The following USP36 variants were observed in gnomAD, a reference collection of about 807,000 sequenced individuals.
USP36 encodes ubiquitin specific peptidase 36, also known as ubiquitin carboxyl-terminal hydrolase 36.
In USP36, 59 loss-of-function variants were observed where a neutral mutation model predicts 111.5. The observed-to-expected ratio is 0.53, with a 90% CI of 0.43 to 0.66. USP36 has a LOEUF of 0.66. Ranked by LOEUF, USP36 falls within the 30% of genes least tolerant of loss-of-function variation. The pLI is 0.00. For missense variants in USP36, 1,488 were observed against 1,468.0 expected (o/e 1.01, Z -0.22); for synonymous variants, 628 against 581.0 (o/e 1.08, Z -1.16).
At chr17:78,800,936 C>T (rs573487866) in intron 17 of USP36, among the ~76,000 whole-genome samples, 54 of 151,420 alleles carry the variant, frequency 3.6e-4, no homozygotes, top group Admixed American at 2.2e-3. Context: ...GAGGGTGGCA[C>T]GGAGCACAGC....
At chr17:78,820,049 A>G (rs1284869581) in intron 8 of USP36, 37 bp from the exon 9 acceptor site, 1 of 1,603,808 alleles carries the variant, frequency 6.2e-7, no homozygotes, top group Admixed American at 1.7e-5. Flanking sequence ...AATACACAGC[A>G]GAGGAAAAAG....
At chr17:78,805,238 T>C (rs985532485) in intron 15 of USP36, among the ~76,000 whole-genome samples, 8 of 152,208 alleles carry the variant, frequency 5.3e-5, no homozygotes, top group Non-Finnish European at 1.2e-4. Flanking sequence ...AGCTGCACGA[T>C]GTTTGATTAC....
chr17:78,818,560 A>T, intron 10 of USP36, 107 bp downstream of exon 10: 1 of 921,858 alleles, frequency 1.1e-6, no homozygotes, highest in Non-Finnish European at 1.8e-6. Context: ...AGGGACAGGT[A>T]CTGTGTAAAC....
chr17:78,805,617 C>A (rs2093877122), intron 15 of USP36, among the ~76,000 whole-genome samples: 1 of 152,208 alleles, frequency 6.6e-6, no homozygotes, highest in Non-Finnish European at 1.5e-5. Flanking sequence ...CTAAGAGACG[C>A]AGGCAGCCCC....
downstream of USP36, among the ~76,000 whole-genome samples, chr17:78,791,211 C>T (rs531602457): frequency 2.1e-4 from 31 of 150,882 alleles, no homozygotes; most frequent in Non-Finnish European, 4.0e-4. Flanking sequence ...CTCGGCTCAC[C>T]GCAACCTCCA....
chr17:78,814,386 C>A, intron 11 of USP36, 26 bp downstream of exon 11: 1 of 1,612,716 alleles, frequency 6.2e-7, no homozygotes, highest in Non-Finnish European at 8.5e-7. Context: ...TCCCAGGAGG[C>A]AGCTGCACTG....
chr17:78,816,152 C>T (rs8076017), intron 10 of USP36, among the ~76,000 whole-genome samples: 2 of 151,684 alleles, frequency 1.3e-5, no homozygotes, highest in Non-Finnish European at 1.5e-5. Context: ...GAAAAACATA[C>T]GCATAATTTT....
chr17:78,835,492 T>C lies in USP36; in HGVS notation c.263A>G (p.His88Arg), dbSNP rs1247917150. 2.5e-6 allele frequency: 4 copies of C among 1,601,808 alleles called. No individual in the cohort carries two copies. In the South Asian group the frequency reaches 4.5e-5, roughly 18 times the overall value. ...DPPARRQGSE[H>R]TYESCGDGVP... ...TCCGTCACCACAGCTCTCATACGTG[T>C]GCTCACTGCCTGAGGAAGAAAGGGA... The change falls in exon 4 of 21, where the codon CAC becomes CGC. Residue 88 changes from histidine (H) to arginine (R), a missense_variant. Around this residue, in one of 3 missense-constraint regions of USP36, gnomAD observed 219 missense variants for 209.5 expected, o/e 1.05. Transcript: ENST00000449938.
chr17:78,791,046 A>G (rs1414471941), downstream of USP36, among the ~76,000 whole-genome samples: 1 of 151,846 alleles, frequency 6.6e-6, no homozygotes, highest in Non-Finnish European at 1.5e-5. Context: ...TAACCTTTGC[A>G]TTTTAGAGGA....
At chr17:78,790,500 C>T (rs1314912804) in intron 3 of USP36, among the ~76,000 whole-genome samples, 1 of 152,020 alleles carries the variant, frequency 6.6e-6, no homozygotes, top group Admixed American at 6.6e-5. Context: ...ACTATGTTAG[C>T]CAGGCTGGTT....
intron 2 of USP36, among the ~76,000 whole-genome samples, chr17:78,838,002 T>C (rs2145683278): frequency 6.6e-6 from 1 of 152,218 alleles, no homozygotes; most frequent in African/African-American, 2.4e-5. Context: ...GGAGGATAAC[T>C]TGAGGGCAGG....
At chr17:78,820,607 C>G (rs7207012) in intron 8 of USP36, among the ~76,000 whole-genome samples, 10,141 of 152,222 alleles carry the variant, frequency 0.067, 1,073 homozygotes, top group African/African-American at 0.23. Context: ...CCCTCCCGCA[C>G]CCTGTAGCTG....
intron 10 of USP36, among the ~76,000 whole-genome samples, chr17:78,816,057 G>T (rs1347673292): frequency 6.6e-6 from 1 of 152,192 alleles, no homozygotes; most frequent in Non-Finnish European, 1.5e-5. Flanking sequence ...GCAGCTGTAG[G>T]CTGAGTGCAC....
chr17:78,820,033 G>A (rs1567949337), intron 8 of USP36, 21 bp from the exon 9 acceptor site: 4 of 1,613,056 alleles, frequency 2.5e-6, no homozygotes, highest in South Asian at 1.1e-5. Flanking sequence ...CAAAAACAGG[G>A]AGTAAAATAC....
Position 78,807,039 on chromosome 17 carries a change from C to T in USP36, c.2005G>A (p.Val669Ile). 1 of 1,614,218 alleles carries T rather than the reference C, an allele frequency of 6.2e-7. No individual in the cohort carries two copies. Among genetic ancestry groups the T allele is most frequent in the South Asian group, 1.1e-5 (1 of 91,086 alleles). Reference sequence around the variant, plus strand: ...GGCTCAGTGGTGGTGTTGCTCAGGACAGGGGACTTCAGCTTCACCGTCTTA... The same window carrying T: ...GGCTCAGTGGTGGTGTTGCTCAGGATAGGGGACTTCAGCTTCACCGTCTTA... ...DSKTVKLKSP[V>I]LSNTTTEPAS... is the part of the protein sequence containing the mutation. The change falls in exon 14 of 21, where the codon GTC (valine) becomes ATC (isoleucine). Residue 669 changes from valine to isoleucine, a missense_variant. Around this residue, in one of 3 missense-constraint regions of USP36, gnomAD observed 1,073 missense variants for 994.1 expected, o/e 1.08. Coordinates refer to ENST00000449938, the MANE Select transcript of USP36 (RefSeq NM_001385174.1).
Position 78,798,600 on chromosome 17 carries a change from T to C in USP36, c.3241-49A>G. 4 of 1,605,090 alleles carry C rather than the reference T, an allele frequency of 2.5e-6. No individual in the cohort carries two copies. The highest frequency in any genetic ancestry group is 2.5e-6 in the Non-Finnish European group (3 of 1,179,676). On this transcript the variant is annotated intron_variant, in intron 19 of 20. Coordinates refer to ENST00000449938, the MANE Select transcript of USP36 (RefSeq NM_001385174.1). The surrounding 1 kb of genome is among the most constrained non-coding windows in gnomAD (Gnocchi z 5.1). The stretch of plus-strand genomic sequence containing the variant: ...ACAGTTCCCAAAAACGGCTCTTTCC[T>C]GGCCCACGGGGCTCCATGCTGCATG...
chr17:78,798,278 C>T lies in USP36; in HGVS notation c.*20+122G>A. The stretch of plus-strand genomic sequence containing the variant: ...CACACCACACACACCACCCAACACA[C>T]ATGTGCCAGATACACAGCCCACATA... On this transcript the variant is annotated intron_variant, in intron 20 of 20. Transcript: ENST00000449938. The surrounding 1 kb of genome is among the most constrained non-coding windows in gnomAD (Gnocchi z 5.1). 7.6e-7 allele frequency: 1 copy of T among 1,321,702 alleles called. No homozygotes were observed. 81.9% of individuals were successfully genotyped at this position (1,321,702 alleles called of 1,614,324 possible).
intron 3 of USP36, 50 bp from the exon 4 acceptor site, chr17:78,835,551 C>T (rs368202512): frequency 2.6e-6 from 4 of 1,535,640 alleles, no homozygotes; most frequent in Non-Finnish European, 2.6e-6. Context: ...TAAGTCCACA[C>T]ACAGGTCGTC....
intron 5 of USP36, among the ~76,000 whole-genome samples, chr17:78,828,208 T>C (rs1567963070): frequency 6.6e-6 from 1 of 152,206 alleles, no homozygotes. Context: ...AGCAAAACCC[T>C]GTCTCAAACA....
Sources: allele counts gnomAD v4.1 joint callset (sites outside exome capture counted in the v4.1 genomes callset), GRCh38; gene constraint gnomAD v4.1.1; regional missense constraint gnomAD v4.1.1; non-coding constraint Gnocchi (gnomAD v3.1); transcripts MANE v1.5; gene names NCBI Gene and HGNC (gene_info 2026-07-23, HGNC 2026-07-21).